SOS1: variants seen among roughly 807,000 people sequenced by gnomAD.
SOS1 encodes the protein son of sevenless homolog 1.
SOS1 carries 25 observed loss-of-function variants against 157.6 expected under a neutral mutation model. The ratio of observed to expected loss-of-function variants is 0.16; its 90% confidence interval spans 0.12 to 0.22. The LOEUF is 0.22. Among genes scored for constraint, SOS1 ranks in the 10% least tolerant of loss-of-function variants. The probability of loss-of-function intolerance (pLI) is 1.00; values close to 1 mark genes in which losing one functional copy is unlikely to be tolerated. For missense variants in SOS1, 1,237 were observed against 1,599.1 expected (o/e 0.77, Z 3.86); for synonymous variants, 528 against 534.0 (o/e 0.99, Z 0.16).
At chr2:38,993,892 A>C (rs1199582519) in intron 20 of SOS1, 1 of 152,228 alleles carries the variant, frequency 6.6e-6, no homozygotes, top group Non-Finnish European at 1.5e-5. Context: ...GTTAAAGGTG[A>C]CTGGATTGAA....
chr2:39,007,230 GT>G (rs748739703), intron 15 of SOS1, 37 bp from the exon 16 acceptor site: 152 of 1,308,654 alleles, frequency 1.2e-4, no homozygotes, highest in Non-Finnish European at 1.5e-4. Flanking sequence ...AGGTTTTAGA[GT>G]TTTTCCAATA....
intron 1 of SOS1, among the ~76,000 whole-genome samples, chr2:39,085,612 A>G (rs1311646804): frequency 6.6e-6 from 1 of 152,364 alleles, no homozygotes; most frequent in East Asian, 1.9e-4. Context: ...AAACTTCTCC[A>G]AATGAATCAC....
At chr2:39,042,051 C>A (rs1264161063) in intron 6 of SOS1, among the ~76,000 whole-genome samples, 1 of 151,924 alleles carries the variant, frequency 6.6e-6, no homozygotes, top group East Asian at 1.9e-4. Flanking sequence ...TTTTTCAGGG[C>A]TCTTTATTCT....
chr2:39,075,457 T>C (rs574682341), intron 1 of SOS1, among the ~76,000 whole-genome samples: 7 of 152,146 alleles, frequency 4.6e-5, no homozygotes, highest in South Asian at 4.2e-4. Flanking sequence ...AGCCTTTTTT[T>C]CTCCTCTAAA....
intron 1 of SOS1, among the ~76,000 whole-genome samples, chr2:39,070,601 A>G (rs1461126046): frequency 1.3e-5 from 2 of 152,188 alleles, no homozygotes; most frequent in Non-Finnish European, 2.9e-5. Context: ...CAAACTTCAA[A>G]TTACCTGTAG....
intron 17 of SOS1, among the ~76,000 whole-genome samples, chr2:38,998,626 A>G (rs1668980870): frequency 6.6e-6 from 1 of 152,176 alleles, no homozygotes; most frequent in Admixed American, 6.6e-5. Flanking sequence ...AAATGAGGAC[A>G]GGAGGGTTGC....
intron 15 of SOS1, among the ~76,000 whole-genome samples, chr2:39,009,311 TAAAG>T (rs1239622589): frequency 6.6e-6 from 1 of 151,594 alleles, no homozygotes; most frequent in Non-Finnish European, 1.5e-5. Flanking sequence ...GAAGGTAAAA[TAAAG>T]ATTTTCCCAG....
At chr2:39,108,145 A>G (rs1047872250) in intron 1 of SOS1, among the ~76,000 whole-genome samples, 2 of 152,070 alleles carry the variant, frequency 1.3e-5, no homozygotes, top group African/African-American at 2.4e-5. Context: ...TCAATCACCA[A>G]TCTGCCTCTA....
In SOS1 at chr2:39,013,576, C is replaced by A; in HGVS notation, c.2064-13G>T. 2 of 1,483,722 alleles carry A rather than the reference C, an allele frequency of 1.3e-6. No homozygotes were observed. The highest frequency in any genetic ancestry group is 2.8e-5 in the African/African-American group (2 of 72,486). 91.9% of individuals were successfully genotyped at this position (1,483,722 alleles called of 1,614,324 possible). On this transcript the variant is annotated splice_polypyrimidine_tract_variant and intron_variant, in intron 12 of 22. Coordinates refer to ENST00000402219, the MANE Select transcript of SOS1 (RefSeq NM_005633.4). Reference sequence around the variant, plus strand: ...TACATTTAATACTCTATGGCATTAACACAGAATTGAATTACATGGGAATCA... The same window carrying A: ...TACATTTAATACTCTATGGCATTAAAACAGAATTGAATTACATGGGAATCA...
At chr2:39,109,505 T>A (rs1320001644) in intron 1 of SOS1, among the ~76,000 whole-genome samples, 1 of 152,148 alleles carries the variant, frequency 6.6e-6, no homozygotes, top group Non-Finnish European at 1.5e-5. Context: ...AGCCTCCCCC[T>A]CTCCTGAGAT....
At chr2:39,015,802 C>CTTT (rs1054843148) in intron 10 of SOS1, among the ~76,000 whole-genome samples, 2,158 of 87,374 alleles carry the variant, frequency 0.025, 63 homozygotes, top group African/African-American at 0.043. Flanking sequence ...AATTGTAAAT[C>CTTT]TTTTTTTTTT....
chr2:38,991,708 T>G (rs1335653403), intron 20 of SOS1, among the ~76,000 whole-genome samples: 1 of 152,208 alleles, frequency 6.6e-6, no homozygotes, highest in Non-Finnish European at 1.5e-5. Context: ...TGAGGTCATC[T>G]TTCTATAAGC....
chr2:39,022,129 G>C (rs763488708), intron 10 of SOS1, among the ~76,000 whole-genome samples: 1 of 151,660 alleles, frequency 6.6e-6, no homozygotes, highest in Non-Finnish European at 1.5e-5. Context: ...AGGTTTAGGA[G>C]TGGAAACTGA....
At chr2:39,086,273 G>A (rs1672365248) in intron 1 of SOS1, among the ~76,000 whole-genome samples, 1 of 152,180 alleles carries the variant, frequency 6.6e-6, no homozygotes, top group African/African-American at 2.4e-5. Context: ...GGCAAAGGAA[G>A]CAGACTATAT....
In SOS1 at chr2:38,982,883, G is replaced by A. The variant is rs1018563125; in HGVS notation, c.*2941C>T. The A allele has an allele frequency of 4.6e-5, 7 of 152,102 alleles. No individual in the cohort carries two copies. The highest frequency in any genetic ancestry group is 1.4e-4 in the African/African-American group (6 of 41,416). 9.4% of individuals were successfully genotyped at this position (152,102 alleles called of 1,614,324 possible). On this transcript the variant is annotated 3_prime_UTR_variant, in exon 23 of 23. Coordinates refer to ENST00000402219, the MANE Select transcript of SOS1 (RefSeq NM_005633.4). Reference sequence around the variant, plus strand: ...ATTTAGAATCATAATATAGCCTCCAGCTGACATAGTAATTGTTCTCTGGGC... The same window carrying A: ...ATTTAGAATCATAATATAGCCTCCAACTGACATAGTAATTGTTCTCTGGGC...
intron 2 of SOS1, among the ~76,000 whole-genome samples, chr2:39,059,980 C>G (rs890175919): frequency 2.0e-5 from 3 of 152,048 alleles, no homozygotes; most frequent in Non-Finnish European, 4.4e-5. Flanking sequence ...GGACACCAGC[C>G]TCATGCAGTA....
At chr2:39,084,547 C>T (rs1672308300) in intron 1 of SOS1, among the ~76,000 whole-genome samples, 1 of 151,968 alleles carries the variant, frequency 6.6e-6, no homozygotes. Flanking sequence ...TCATTCCTCC[C>T]CCAAAGCTCT....
chr2:38,991,864 A>C (rs1668744749), intron 20 of SOS1, among the ~76,000 whole-genome samples: 1 of 152,234 alleles, frequency 6.6e-6, no homozygotes, highest in Non-Finnish European at 1.5e-5. Context: ...GATATGCAGC[A>C]GATACTGGCT....
chr2:39,062,439 A>T (rs1346282452), intron 2 of SOS1, among the ~76,000 whole-genome samples: 5 of 149,940 alleles, frequency 3.3e-5, no homozygotes, highest in East Asian at 1.9e-4. Context: ...AAAAATTAAA[A>T]AAAAAAAGAA....
Sources: allele counts gnomAD v4.1 joint callset (sites outside exome capture counted in the v4.1 genomes callset), GRCh38; gene constraint gnomAD v4.1.1; transcripts MANE v1.5; gene names NCBI Gene and HGNC (gene_info 2026-07-23, HGNC 2026-07-21).